Variants in TTC28 observed in about 807,000 individuals in gnomAD.
TTC28 encodes the protein tetratricopeptide repeat domain 28.
TTC28 carries 61 observed loss-of-function variants against 198.0 expected under a neutral mutation model. The observed-to-expected ratio is 0.31, with a 90% CI of 0.25 to 0.38. The LOEUF (loss-of-function observed/expected upper bound fraction) is 0.38. Ranked by LOEUF, TTC28 falls within the 10% of genes least tolerant of loss-of-function variation. TTC28 has a pLI of 1.00. For synonymous variants in TTC28, 1,171 were observed against 1,297.8 expected (o/e 0.90, Z 2.10); for missense variants, 2,678 against 3,164.0 (o/e 0.85, Z 3.69).
chr22:28,363,461 G>A (rs1020980938), intron 2 of TTC28, among the ~76,000 whole-genome samples: 2 of 152,204 alleles, frequency 1.3e-5, no homozygotes, highest in African/African-American at 2.4e-5. Context: ...GAGAACCTCT[G>A]CTAGGGCAGT....
intron 12 of TTC28, among the ~76,000 whole-genome samples, chr22:28,041,577 T>A (rs1216427847): frequency 6.6e-6 from 1 of 152,164 alleles, no homozygotes; most frequent in Non-Finnish European, 1.5e-5. Context: ...TATACAAAAA[T>A]TAACTCCAGA....
intron 2 of TTC28, among the ~76,000 whole-genome samples, chr22:28,369,778 C>T (rs1397292199): frequency 6.6e-6 from 1 of 152,120 alleles, no homozygotes; most frequent in African/African-American, 2.4e-5. Flanking sequence ...AGGATTCACA[C>T]AGCATGGTGA....
chr22:28,334,339 T>A (rs2045670143), intron 2 of TTC28, among the ~76,000 whole-genome samples: 1 of 152,170 alleles, frequency 6.6e-6, no homozygotes, highest in African/African-American at 2.4e-5. Flanking sequence ...TATAGCAGCA[T>A]GTTTTATAAT....
At chr22:28,380,774 G>C (rs1192068721) in intron 2 of TTC28, among the ~76,000 whole-genome samples, 1 of 152,050 alleles carries the variant, frequency 6.6e-6, no homozygotes, top group African/African-American at 2.4e-5. Context: ...TTTATACATG[G>C]ATTATCTGAT....
intron 1 of TTC28, among the ~76,000 whole-genome samples, chr22:28,643,822 A>T (rs1293341627): frequency 2.0e-5 from 3 of 152,244 alleles, no homozygotes; most frequent in African/African-American, 7.2e-5. Flanking sequence ...TATTATAATT[A>T]TTGAGCACTT....
chr22:28,548,655 A>G (rs1037881149), intron 2 of TTC28, among the ~76,000 whole-genome samples: 17 of 152,246 alleles, frequency 1.1e-4, no homozygotes, highest in Non-Finnish European at 1.8e-4. Flanking sequence ...GGAAGCATTC[A>G]GCAGATCAGT....
chr22:28,001,126 GA>G (rs1348730878), intron 15 of TTC28: 1 of 465,846 alleles, frequency 2.1e-6, no homozygotes, highest in Non-Finnish European at 3.9e-6. Context: ...TCACAGCAAA[GA>G]AACTTAGACA....
chr22:28,085,766 C>G (rs1941567123), intron 12 of TTC28, among the ~76,000 whole-genome samples: 1 of 152,014 alleles, frequency 6.6e-6, no homozygotes, highest in Non-Finnish European at 1.5e-5. Flanking sequence ...TCAGGAAACC[C>G]ACCTCACGTG....
At chr22:28,592,621 T>C (rs1376894303) in intron 2 of TTC28, among the ~76,000 whole-genome samples, 1 of 152,226 alleles carries the variant, frequency 6.6e-6, no homozygotes, top group African/African-American at 2.4e-5. Flanking sequence ...AACTCATGAA[T>C]GACGATCCTT....
intron 5 of TTC28, among the ~76,000 whole-genome samples, chr22:28,171,346 T>C (rs972554823): frequency 6.6e-6 from 1 of 152,184 alleles, no homozygotes; most frequent in Admixed American, 6.5e-5. Context: ...CATGTGATCC[T>C]GCCAGAACAA....
chr22:28,553,634 C>A (rs1003841274), intron 2 of TTC28, among the ~76,000 whole-genome samples: 7 of 152,038 alleles, frequency 4.6e-5, no homozygotes, highest in African/African-American at 1.7e-4. Context: ...GCCCGGCAGC[C>A]ACCCCATCCG....
At chr22:28,210,004 A>G (rs1926779933) in intron 5 of TTC28, among the ~76,000 whole-genome samples, 1 of 152,164 alleles carries the variant, frequency 6.6e-6, no homozygotes, top group Non-Finnish European at 1.5e-5. Context: ...GCAGCCTCCA[A>G]TGGAGATACC....
At chr22:28,004,434 A>G (rs1322346986) in intron 14 of TTC28, among the ~76,000 whole-genome samples, 4 of 152,132 alleles carry the variant, frequency 2.6e-5, no homozygotes, top group Non-Finnish European at 4.4e-5. Context: ...GAGTGACCTT[A>G]GCAGGTGAGG....
At chr22:28,121,978 C>T (rs1942799299) in intron 6 of TTC28, among the ~76,000 whole-genome samples, 1 of 152,184 alleles carries the variant, frequency 6.6e-6, no homozygotes. Flanking sequence ...AGCGATTCTC[C>T]TGCCTCAGCC....
intron 12 of TTC28, among the ~76,000 whole-genome samples, chr22:28,086,694 A>G (rs1012545492): frequency 2.0e-5 from 3 of 152,312 alleles, no homozygotes; most frequent in Non-Finnish European, 4.4e-5. Flanking sequence ...AGAGACACAA[A>G]AAACCCTTCA....
intron 2 of TTC28, among the ~76,000 whole-genome samples, chr22:28,496,424 T>C (rs2048456368): frequency 6.6e-6 from 1 of 152,048 alleles, no homozygotes; most frequent in African/African-American, 2.4e-5. Flanking sequence ...TAAAAGCCCA[T>C]TCCTCCAATT....
intron 2 of TTC28, among the ~76,000 whole-genome samples, chr22:28,585,238 G>A (rs981709127): frequency 6.6e-6 from 1 of 152,122 alleles, no homozygotes; most frequent in Non-Finnish European, 1.5e-5. Context: ...TTATTAAGAA[G>A]TTGTAATATA....
intron 2 of TTC28, among the ~76,000 whole-genome samples, chr22:28,526,085 G>A (rs1306461820): frequency 2.0e-5 from 3 of 152,124 alleles, no homozygotes; most frequent in Non-Finnish European, 2.9e-5. Flanking sequence ...AGTACGGGAC[G>A]GGGCTGTGGA....
At chr22:28,018,782 G>A (rs540965217) in intron 13 of TTC28, among the ~76,000 whole-genome samples, 8 of 152,260 alleles carry the variant, frequency 5.3e-5, no homozygotes, top group Admixed American at 3.3e-4. Context: ...GGAGCCCTCC[G>A]CCAGAGGTGC....
Sources: gnomAD v4.1 joint callset for allele counts (sites outside exome capture counted in the v4.1 genomes callset) on GRCh38, gnomAD v4.1.1 for gene constraint, MANE v1.5 for transcripts, NCBI Gene and HGNC (gene_info 2026-07-23, HGNC 2026-07-21) for gene names.